Variants in JPT1 observed in about 807,000 individuals in gnomAD.
JPT1 encodes Jupiter microtubule associated homolog 1.
Under a neutral mutation model 17.0 loss-of-function variants are expected in JPT1, and 5 were observed. The observed-to-expected ratio is 0.29, with a 90% CI of 0.15 to 0.62. JPT1 has a LOEUF of 0.62. Ranked by LOEUF, JPT1 falls within the 20% of genes least tolerant of loss-of-function variation. The pLI is 0.85. For synonymous variants in JPT1, 71 were observed against 73.6 expected (o/e 0.96, Z 0.18); for missense variants, 158 against 188.1 (o/e 0.84, Z 0.94).
chr17:75,142,863 G>C, intron 4 of JPT1: 1 of 444,700 alleles, frequency 2.2e-6, no homozygotes, highest in Non-Finnish European at 4.5e-6. Flanking sequence ...GTGATATTAT[G>C]ATATACATAC....
intron 1 of JPT1, among the ~76,000 whole-genome samples, chr17:75,151,853 C>T (rs949618003): frequency 3.3e-5 from 5 of 151,332 alleles, no homozygotes; most frequent in African/African-American, 4.9e-5. Context: ...CCTGTAATCT[C>T]GGCTAGTCGG....
At chr17:75,139,943 T>C (rs976164133) in intron 4 of JPT1, among the ~76,000 whole-genome samples, 4 of 152,170 alleles carry the variant, frequency 2.6e-5, no homozygotes, top group African/African-American at 9.6e-5. Context: ...CTTTGATTTA[T>C]TTTTTCAGAT....
chr17:75,141,695 T>TG (rs1555650983), intron 4 of JPT1, among the ~76,000 whole-genome samples: 1 of 148,996 alleles, frequency 6.7e-6, no homozygotes, highest in Non-Finnish European at 1.5e-5. Flanking sequence ...AGATAACCAC[T>TG]GGGGGGAAAA....
chr17:75,136,258 A>G lies in JPT1; in HGVS notation c.317-8T>C. The G allele has an allele frequency of 1.9e-6, 3 of 1,569,920 alleles. 1 individual carries two copies. Among genetic ancestry groups the G allele is most frequent in the Middle Eastern group, 3.4e-4 (2 of 5,860 alleles). ...AGTCTGTGTCCACATTTTCTATGAA[A>G]ACAGGGAATAGAAATAATACTCATA... On this transcript the variant is annotated splice_region_variant and splice_polypyrimidine_tract_variant and intron_variant, in intron 4 of 4. Coordinates refer to ENST00000409753, the MANE Select transcript of JPT1 (RefSeq NM_016185.4).
intron 4 of JPT1, 121 bp downstream of exon 4, chr17:75,146,545 C>G (rs1384405586): frequency 1.9e-5 from 13 of 687,882 alleles, no homozygotes; most frequent in Non-Finnish European, 3.0e-5. Flanking sequence ...TATGGCGGCA[C>G]TTGGGGCATG....
intron 1 of JPT1, chr17:75,148,966 G>T: frequency 8.0e-7 from 1 of 1,256,818 alleles, no homozygotes; most frequent in Non-Finnish European, 1.0e-6. Flanking sequence ...CCCCTTTTCA[G>T]AAATGGCAAA....
At chr17:75,147,411 T>C in intron 3 of JPT1, 145 bp downstream of exon 3, 2 of 594,650 alleles carry the variant, frequency 3.4e-6, no homozygotes, top group East Asian at 5.3e-5. Flanking sequence ...ATGATTTTAC[T>C]ATCAATCTTC....
chr17:75,150,327 C>G (rs2074523887), intron 1 of JPT1, among the ~76,000 whole-genome samples: 3 of 151,902 alleles, frequency 2.0e-5, no homozygotes, highest in Admixed American at 2.0e-4. Flanking sequence ...AATCTCGGCT[C>G]ACTGCAACCT....
chr17:75,136,317 G>A, intron 4 of JPT1, 67 bp from the exon 5 acceptor site: 1 of 1,437,190 alleles, frequency 7.0e-7, no homozygotes, highest in Non-Finnish European at 9.3e-7. Context: ...TCAAGGATCT[G>A]TTTCTCTTTT....
Position 75,148,554 on chromosome 17 carries a change from A to C in JPT1, c.174T>G (p.Asn58Lys). 6.2e-7 allele frequency: 1 copy of C among 1,614,044 alleles called. No individual in the cohort carries two copies. Among genetic ancestry groups the C allele is most frequent in the Non-Finnish European group, 8.5e-7 (1 of 1,180,014 alleles). The change falls in exon 2 of 5, where the codon AAT becomes AAG. Residue 58 changes from asparagine (N) to lysine (K), a missense_variant. By Grantham distance (94) the Asn-to-Lys change is moderately conservative. Coordinates refer to ENST00000409753, the MANE Select transcript of JPT1 (RefSeq NM_016185.4). ...CTGCTGACTTGGCCCAAGAAGCTTG[A>C]TTTTCTTCAGGTGTCCCAAAGATAT... is the stretch of plus-strand genomic sequence containing the variant. ...ASNIFGTPEE[N>K]QASWAKSAGA...
rs2074190052 is a variant in JPT1 at position 75,136,123 on chromosome 17, C to T, written c.444G>A (p.Lys148=). The change falls in exon 5 of 5, where the codon AAG becomes AAA. Residue 148 remains lysine, a synonymous_variant. Transcript: ENST00000409753. ...AGAGCTAACCCAAGACGAGGCTGGA[C>T]TTGCCGCCAGGGGGATTTCTTCTGG... ...VPSRRNPPGG[K]SSLVLG is the part of the protein sequence containing the mutation. 1 of 1,614,138 alleles carries T rather than the reference C, an allele frequency of 6.2e-7. No individual in the cohort carries two copies.
intron 3 of JPT1, 116 bp downstream of exon 3, chr17:75,147,440 G>A: frequency 4.2e-6 from 3 of 709,220 alleles, no homozygotes; most frequent in Non-Finnish European, 7.6e-6. Context: ...ATATGGCCCA[G>A]TCCCTTTCCT....
intron 2 of JPT1, chr17:75,147,895 A>G: frequency 2.4e-6 from 1 of 424,626 alleles, no homozygotes; most frequent in Non-Finnish European, 4.4e-6. Flanking sequence ...GCTACTCGGG[A>G]GGCTGAGGCA....
chr17:75,141,274 G>A (rs1032780138), intron 4 of JPT1: 6 of 152,092 alleles, frequency 3.9e-5, no homozygotes, highest in African/African-American at 1.4e-4. Context: ...TCTCAGTAAA[G>A]AAAAAAATAT....
At chr17:75,142,576 AG>A (rs2074336805) in intron 4 of JPT1, among the ~76,000 whole-genome samples, 1 of 77,840 alleles carries the variant, frequency 1.3e-5, no homozygotes, top group Non-Finnish European at 2.5e-5. Context: ...AGGGGAGGGG[AG>A]AGGGAGGGAG....
intron 1 of JPT1, among the ~76,000 whole-genome samples, chr17:75,150,579 G>C (rs951698422): frequency 3.9e-5 from 6 of 151,984 alleles, no homozygotes; most frequent in African/African-American, 1.4e-4. Flanking sequence ...GTAAAGACAG[G>C]GTTTCACCAT....
At chr17:75,143,992 T>C (rs1225869156) in intron 4 of JPT1, among the ~76,000 whole-genome samples, 3 of 152,114 alleles carry the variant, frequency 2.0e-5, no homozygotes, top group African/African-American at 7.2e-5. Context: ...GCCACTGCAC[T>C]CTAGCCTGGT....
chr17:75,150,113 G>T (rs536945645), intron 1 of JPT1, among the ~76,000 whole-genome samples: 12 of 152,004 alleles, frequency 7.9e-5, no homozygotes, highest in Non-Finnish European at 1.3e-4. Flanking sequence ...GTTCAACATG[G>T]TAATATATTT....
chr17:75,138,701 C>T (rs2074254245), intron 4 of JPT1, among the ~76,000 whole-genome samples: 1 of 152,186 alleles, frequency 6.6e-6, no homozygotes, highest in South Asian at 2.1e-4. Flanking sequence ...AGCCACCATG[C>T]CCGGCCAAGA....
Sources: gnomAD v4.1 joint callset for allele counts (sites outside exome capture counted in the v4.1 genomes callset) on GRCh38, gnomAD v4.1.1 for gene constraint, MANE v1.5 for transcripts, NCBI Gene and HGNC (gene_info 2026-07-23, HGNC 2026-07-21) for gene names.